The following DLGAP1 variants were observed in gnomAD, a reference collection of about 807,000 sequenced individuals.
DLGAP1 encodes disks large-associated protein 1.
In DLGAP1, 11 loss-of-function variants were observed where a neutral mutation model predicts 90.8. The observed-to-expected ratio is 0.12, with a 90% CI of 0.08 to 0.20. DLGAP1 has a LOEUF of 0.20. DLGAP1 is among the 10% of genes least tolerant of loss of function. The pLI, the probability that DLGAP1 is intolerant of heterozygous loss-of-function variation, is 1.00. For missense variants in DLGAP1, 1,050 were observed against 1,333.8 expected (o/e 0.79, Z 3.31); for synonymous variants, 558 against 540.7 (o/e 1.03, Z -0.44).
chr18:4,212,325 G>C (rs1443628548), intron 1 of DLGAP1, among the ~76,000 whole-genome samples: 1 of 152,026 alleles, frequency 6.6e-6, no homozygotes, highest in Admixed American at 6.6e-5. Context: ...TTCCCAAACT[G>C]ACAGATTCTG....
At chr18:4,048,126 G>T (rs1408882862) in intron 2 of DLGAP1, among the ~76,000 whole-genome samples, 1 of 152,144 alleles carries the variant, frequency 6.6e-6, no homozygotes, top group Non-Finnish European at 1.5e-5. Context: ...ATTAGAAGGA[G>T]ACTGTTGTTC....
intron 10 of DLGAP1, among the ~76,000 whole-genome samples, chr18:3,512,519 G>T (rs1337320109): frequency 6.6e-6 from 1 of 152,208 alleles, no homozygotes; most frequent in Non-Finnish European, 1.5e-5. Context: ...ACCCACAATA[G>T]AGAGTACAGG....
rs111784518 is a variant in DLGAP1, at chr18:3,598,973, C to T, written c.1592-16725G>A. 8.0e-3 allele frequency among the ~76,000 whole-genome samples: 1,212 copies of T among 151,850 alleles called. 11 individuals carry two copies. Among genetic ancestry groups the T allele is most frequent in the African/African-American group, 0.027 (1,122 of 41,380 alleles). ...TTTTTGGTAGAGATGGGGGTTTCAC[C>T]ATGTTGGCCAGGCTGGTCTCGAACT... On this transcript the variant is annotated intron_variant, in intron 7 of 12. Coordinates refer to ENST00000315677, the MANE Select transcript of DLGAP1 (RefSeq NM_004746.4).
At chr18:3,699,841 A>G (rs556317305) in intron 7 of DLGAP1, among the ~76,000 whole-genome samples, 31 of 152,308 alleles carry the variant, frequency 2.0e-4, no homozygotes, top group Non-Finnish European at 4.1e-4. Flanking sequence ...CTGCCCAGAG[A>G]GGAGGAAGCT....
intron 3 of DLGAP1, among the ~76,000 whole-genome samples, chr18:3,961,447 C>T (rs2073196413): frequency 1.3e-5 from 2 of 152,272 alleles, no homozygotes; most frequent in Non-Finnish European, 1.5e-5. Flanking sequence ...GAGAGCAGGC[C>T]AGTCCCTGAC....
chr18:4,350,464 A>G (rs2081383103), intron 1 of DLGAP1, among the ~76,000 whole-genome samples: 1 of 152,192 alleles, frequency 6.6e-6, no homozygotes, highest in African/African-American at 2.4e-5. Flanking sequence ...CTAAAAGTAA[A>G]TATAATTTTC....
intron 1 of DLGAP1, among the ~76,000 whole-genome samples, chr18:4,420,531 A>G (rs2144676220): frequency 6.6e-6 from 1 of 152,184 alleles, no homozygotes; most frequent in African/African-American, 2.4e-5. Context: ...TCCTCACCTC[A>G]GTGGTCAGTC....
chr18:4,306,310 T>C (rs745854586), intron 1 of DLGAP1, among the ~76,000 whole-genome samples: 1 of 151,930 alleles, frequency 6.6e-6, no homozygotes, highest in African/African-American at 2.4e-5. Context: ...AGAAAGCTTA[T>C]ATTAGAAGAA....
At chr18:3,794,284 G>C (rs1023450252) in intron 5 of DLGAP1, among the ~76,000 whole-genome samples, 4 of 152,190 alleles carry the variant, frequency 2.6e-5, no homozygotes, top group Non-Finnish European at 5.9e-5. Context: ...GGTCAGTGAT[G>C]AGGCAGGAAA....
intron 4 of DLGAP1, among the ~76,000 whole-genome samples, chr18:3,871,803 A>C (rs1359163713): frequency 6.6e-6 from 1 of 152,230 alleles, no homozygotes; most frequent in Non-Finnish European, 1.5e-5. Context: ...CAAAAACAGC[A>C]TGTGTATAAA....
intron 7 of DLGAP1, among the ~76,000 whole-genome samples, chr18:3,613,846 T>C (rs1364661982): frequency 1.3e-5 from 2 of 152,166 alleles, no homozygotes; most frequent in African/African-American, 4.8e-5. Context: ...ACTTAAAATA[T>C]GTAAAAGCCC....
At chr18:3,644,395 A>ATTTT (rs2146351830) in intron 7 of DLGAP1, among the ~76,000 whole-genome samples, 1 of 147,782 alleles carries the variant, frequency 6.8e-6, no homozygotes, top group African/African-American at 2.6e-5. Flanking sequence ...TTACAATACT[A>ATTTT]TTTTATTTTA....
In DLGAP1 at chr18:4,382,540, G is replaced by A. The variant is rs1032271438; in HGVS notation, c.-267+72466C>T. 6.3e-5 allele frequency among the ~76,000 whole-genome samples: 9 copies of A among 143,906 alleles called. No individual in the cohort carries two copies. The Admixed American group carries it at 6.4e-4, about 10-fold the overall frequency. The allele number at this position is 143,906 out of a possible 152,430, so 94.4% of individuals were successfully genotyped here. On this transcript the variant is annotated intron_variant, in intron 1 of 12. Coordinates refer to ENST00000315677, the MANE Select transcript of DLGAP1 (RefSeq NM_004746.4). ...TCTTGGTATGAAACTGTTTTGGAAA[G>A]TTCCTTACTCTGTAACTAATAAAAC...
intron 7 of DLGAP1, among the ~76,000 whole-genome samples, chr18:3,657,693 C>T (rs1449690977): frequency 6.6e-6 from 1 of 151,440 alleles, no homozygotes; most frequent in East Asian, 1.9e-4. Context: ...AGCTCCGCCT[C>T]CCGGGTTCAC....
At chr18:3,708,265 C>T (rs2061497932) in intron 7 of DLGAP1, 1 of 367,458 alleles carries the variant, frequency 2.7e-6, no homozygotes, top group Non-Finnish European at 5.5e-6. Context: ...CCTCAGCCTC[C>T]CAAAGTTTTG....
intron 7 of DLGAP1, among the ~76,000 whole-genome samples, chr18:3,687,907 GTTTT>G (rs34437512): frequency 7.5e-6 from 1 of 133,224 alleles, no homozygotes. Context: ...CTCAGAGACT[GTTTT>G]TTTTTTTTTT....
chr18:3,523,339 C>T (rs748288777), intron 10 of DLGAP1, among the ~76,000 whole-genome samples: 13 of 150,900 alleles, frequency 8.6e-5, no homozygotes, highest in South Asian at 2.1e-4. Flanking sequence ...ATCACACTAC[C>T]GCACTCCAGC....
intron 1 of DLGAP1, among the ~76,000 whole-genome samples, chr18:4,283,238 A>G (rs2145444948): frequency 6.6e-6 from 1 of 152,348 alleles, no homozygotes; most frequent in Non-Finnish European, 1.5e-5. Context: ...CACTTTTAAA[A>G]AGAAACATTG....
intron 6 of DLGAP1, among the ~76,000 whole-genome samples, chr18:3,733,488 A>C (rs1042756401): frequency 1.3e-5 from 2 of 152,152 alleles, no homozygotes; most frequent in Non-Finnish European, 2.9e-5. Context: ...GATACTCCAA[A>C]GTGTACTGTG....
Sources: allele counts gnomAD v4.1 joint callset (sites outside exome capture counted in the v4.1 genomes callset), GRCh38; gene constraint gnomAD v4.1.1; transcripts MANE v1.5; gene names NCBI Gene and HGNC (gene_info 2026-07-23, HGNC 2026-07-21).